LRRTM4: variants seen among roughly 807,000 people sequenced by gnomAD.
LRRTM4 encodes the protein leucine rich repeat transmembrane neuronal 4.
A neutral mutation model predicts 47.6 loss-of-function variants in LRRTM4; 25 were observed. The observed-to-expected ratio is 0.53, with a 90% CI of 0.38 to 0.73. The LOEUF (loss-of-function observed/expected upper bound fraction) is 0.73, where lower values mean the gene tolerates loss of function less well. Ranked by LOEUF, LRRTM4 falls within the 30% of genes least tolerant of loss-of-function variation. The pLI is 0.00. For synonymous variants in LRRTM4, 311 were observed against 269.5 expected (o/e 1.15, Z -1.51); for missense variants, 638 against 713.4 (o/e 0.89, Z 1.20).
At chr2:77,001,220 T>C (rs947686010) in intron 3 of LRRTM4, among the ~76,000 whole-genome samples, 1 of 152,036 alleles carries the variant, frequency 6.6e-6, no homozygotes, top group African/African-American at 2.4e-5. Flanking sequence ...AAATCTACAC[T>C]CAAAAAAGTA....
At chr2:77,475,856 T>A (rs1200263074) in intron 3 of LRRTM4, among the ~76,000 whole-genome samples, 3 of 151,992 alleles carry the variant, frequency 2.0e-5, no homozygotes, top group African/African-American at 7.2e-5. Context: ...CAATTTATAT[T>A]TCTTTTTTCC....
chr2:77,197,667 A>G lies in LRRTM4; in HGVS notation c.1551+320651T>C, dbSNP rs188159983. ...TAAATGAGTTGGGAGGCATATTTTTATGATTTTGCAACCTTGAGAAATTAA... is the reference window on the plus strand; with the variant it reads ...TAAATGAGTTGGGAGGCATATTTTTGTGATTTTGCAACCTTGAGAAATTAA... On this transcript the variant is annotated intron_variant, in intron 3 of 3. Coordinates refer to ENST00000409884, the MANE Select transcript of LRRTM4 (RefSeq NM_001134745.3). Among the ~76,000 whole-genome samples, 4 of 152,278 alleles carry G rather than the reference A, an allele frequency of 2.6e-5. 1 individual carries two copies. In the East Asian group the frequency reaches 7.7e-4, roughly 29 times the overall value.
intron 3 of LRRTM4, among the ~76,000 whole-genome samples, chr2:77,472,791 A>T (rs1266679251): frequency 1.3e-5 from 2 of 152,136 alleles, no homozygotes. Context: ...TTTCCTAACC[A>T]TTCCAGTACT....
intron 3 of LRRTM4, among the ~76,000 whole-genome samples, chr2:77,399,335 T>C (rs1673844568): frequency 6.6e-6 from 1 of 151,882 alleles, no homozygotes; most frequent in Admixed American, 6.6e-5. Context: ...CATCATTCTT[T>C]GTAGTGAGAA....
chr2:76,854,824 T>C (rs74802413), intron 3 of LRRTM4, among the ~76,000 whole-genome samples: 4 of 151,866 alleles, frequency 2.6e-5, no homozygotes, highest in Non-Finnish European at 5.9e-5. Context: ...TTTTTTTTTT[T>C]TCACAGAGCT....
At chr2:77,292,376 T>C (rs1451006736) in intron 3 of LRRTM4, among the ~76,000 whole-genome samples, 2 of 151,782 alleles carry the variant, frequency 1.3e-5, no homozygotes, top group Non-Finnish European at 2.9e-5. Context: ...TAAATCATGC[T>C]GCTATAAAGA....
chr2:77,415,947 T>G (rs1674620290), intron 3 of LRRTM4, among the ~76,000 whole-genome samples: 1 of 152,152 alleles, frequency 6.6e-6, no homozygotes, highest in Non-Finnish European at 1.5e-5. Flanking sequence ...CCAAACATGA[T>G]GGATTTATTT....
chr2:76,771,825 C>G (rs1281252100), intron 3 of LRRTM4, among the ~76,000 whole-genome samples: 8 of 152,056 alleles, frequency 5.3e-5, no homozygotes. Flanking sequence ...CCCCTTCAAC[C>G]AACCTCACAT....
Position 77,196,289 on chromosome 2 carries a change from C to T in LRRTM4, c.1551+322029G>A, listed in dbSNP as rs894021583. ...AGGGTAATAGGCATATCTATCTATT[C>T]TTAAACATTTATCATTTATTCACGT... On this transcript the variant is annotated intron_variant, in intron 3 of 3. Coordinates refer to ENST00000409884, the MANE Select transcript of LRRTM4 (RefSeq NM_001134745.3). 3.3e-5 allele frequency among the ~76,000 whole-genome samples: 5 copies of T among 152,088 alleles called. No individual in the cohort carries two copies. In the East Asian group the frequency reaches 9.6e-4, roughly 29 times the overall value.
chr2:76,919,004 G>T (rs536593990), intron 3 of LRRTM4, among the ~76,000 whole-genome samples: 1 of 152,272 alleles, frequency 6.6e-6, no homozygotes, highest in East Asian at 1.9e-4. Context: ...AATCAGCAGA[G>T]AAAAGGTGCA....
intron 3 of LRRTM4, among the ~76,000 whole-genome samples, chr2:76,781,789 T>C (rs1376576812): frequency 1.3e-5 from 2 of 152,216 alleles, no homozygotes; most frequent in African/African-American, 4.8e-5. Flanking sequence ...ATTTCCTTTG[T>C]GGCATTTCTA....
At chr2:77,333,757 G>A (rs574571540) in intron 3 of LRRTM4, among the ~76,000 whole-genome samples, 45 of 152,288 alleles carry the variant, frequency 3.0e-4, no homozygotes, top group Admixed American at 1.1e-3. Flanking sequence ...AGTTCCTACT[G>A]AGGCACCACC....
chr2:77,193,637 C>T (rs1199570939), intron 3 of LRRTM4, among the ~76,000 whole-genome samples: 1 of 152,000 alleles, frequency 6.6e-6, no homozygotes, highest in Non-Finnish European at 1.5e-5. Flanking sequence ...TGGTGAAACC[C>T]CGTCTCTACA....
At chr2:77,195,349 G>A (rs1379357355) in intron 3 of LRRTM4, among the ~76,000 whole-genome samples, 1 of 151,844 alleles carries the variant, frequency 6.6e-6, no homozygotes, top group Non-Finnish European at 1.5e-5. Flanking sequence ...ATAGAAATAT[G>A]CAACAAGTGA....
chr2:77,492,279 G>C (rs1263704736), intron 3 of LRRTM4, among the ~76,000 whole-genome samples: 1 of 152,038 alleles, frequency 6.6e-6, no homozygotes, highest in Non-Finnish European at 1.5e-5. Flanking sequence ...TTCTCTTTTA[G>C]AGATAGGGTC....
At chr2:76,961,918 G>A (rs1573373350) in intron 3 of LRRTM4, among the ~76,000 whole-genome samples, 1 of 151,124 alleles carries the variant, frequency 6.6e-6, no homozygotes, top group Non-Finnish European at 1.5e-5. Context: ...CTTGAACTTG[G>A]GTGATCTTTG....
chr2:76,829,834 G>A (rs79296117), intron 3 of LRRTM4, among the ~76,000 whole-genome samples: 232 of 151,834 alleles, frequency 1.5e-3, no homozygotes, highest in African/African-American at 5.4e-3. Flanking sequence ...AATTCATCAG[G>A]GTTGTGGAAA....
intron 3 of LRRTM4, among the ~76,000 whole-genome samples, chr2:77,195,539 C>T (rs1573063277): frequency 6.6e-6 from 1 of 151,994 alleles, no homozygotes; most frequent in African/African-American, 2.4e-5. Flanking sequence ...AATACCTTTA[C>T]TGCACTGTAT....
At chr2:76,784,521 TGATACTTA>T (rs2104174389) in intron 3 of LRRTM4, among the ~76,000 whole-genome samples, 1 of 152,174 alleles carries the variant, frequency 6.6e-6, no homozygotes, top group Admixed American at 6.5e-5. Flanking sequence ...AAGATTAAGC[TGATACTTA>T]GATTTCTCTT....
Sources: allele counts gnomAD v4.1 joint callset (sites outside exome capture counted in the v4.1 genomes callset), GRCh38; gene constraint gnomAD v4.1.1; transcripts MANE v1.5; gene names NCBI Gene and HGNC (gene_info 2026-07-23, HGNC 2026-07-21).